Variants in GNL3L observed in about 807,000 individuals in gnomAD.
GNL3L encodes the protein G protein nucleolar 3 like, also known as guanine nucleotide-binding protein-like 3-like protein.
Under a neutral mutation model 42.9 loss-of-function variants are expected in GNL3L, and 4 were observed. The observed-to-expected ratio is 0.09, with a 90% confidence interval of 0.05 to 0.21. GNL3L has a LOEUF of 0.21. Ranked by LOEUF, GNL3L falls within the 10% of genes least tolerant of loss-of-function variation. The pLI is 1.00. For synonymous variants in GNL3L, 159 were observed against 176.3 expected (o/e 0.90, Z 0.78); for missense variants, 412 against 481.7 (o/e 0.86, Z 1.36).
chrX:54,603,309 A>G (rs1476311060), intron 16 of GNL3L, among the ~76,000 whole-genome samples: 2 of 112,021 alleles, frequency 1.8e-5, no homozygotes, highest in South Asian at 7.3e-4. Flanking sequence ...CTTCCTTGCT[A>G]CTATAAGGAC....
chrX:54,595,914 A>G (rs183656067), intron 16 of GNL3L, among the ~76,000 whole-genome samples: 3 of 112,346 alleles, frequency 2.7e-5, no homozygotes, highest in African/African-American at 9.7e-5. Context: ...AAATTTATCT[A>G]ATAGAATTCT....
At chrX:54,546,989 CTTTT>C (rs1171208828) in intron 8 of GNL3L, among the ~76,000 whole-genome samples, 1 of 100,913 alleles carries the variant, frequency 9.9e-6, no homozygotes, top group Non-Finnish European at 2.0e-5. Context: ...CCTTTTCTTT[CTTTT>C]TTTTTTCTTT....
intron 7 of GNL3L, chrX:54,543,975 C>G (rs1423003222): frequency 3.3e-6 from 1 of 304,585 alleles, no homozygotes; most frequent in Non-Finnish European, 5.7e-6. Context: ...ACATTTGGGA[C>G]CAGATAGCTA....
At chrX:54,543,533 G>A (rs774256973) in intron 7 of GNL3L, among the ~76,000 whole-genome samples, 191 bp downstream of exon 7, 14 of 112,144 alleles carry the variant, frequency 1.2e-4, no homozygotes, top group Admixed American at 1.2e-3. Context: ...ATCCAAGCCT[G>A]TCTGCCTTTC....
chrX:54,578,486 G>A (rs2147513031), intron 16 of GNL3L, among the ~76,000 whole-genome samples: 1 of 111,812 alleles, frequency 8.9e-6, no homozygotes, highest in African/African-American at 3.2e-5. Context: ...TCAAATCTTT[G>A]GCCATGTATA....
chrX:54,592,556 C>T (rs180801195), intron 16 of GNL3L, among the ~76,000 whole-genome samples: 62 of 111,757 alleles, frequency 5.5e-4, no homozygotes, highest in Non-Finnish European at 9.2e-4. Context: ...TGGCTCATGC[C>T]TGTAATCCTA....
chrX:54,598,956 C>A (rs1179011057), intron 16 of GNL3L, among the ~76,000 whole-genome samples: 2 of 111,890 alleles, frequency 1.8e-5, no homozygotes, highest in African/African-American at 6.5e-5. Flanking sequence ...TTTGAAGTAA[C>A]AATGGCTGAG....
intron 16 of GNL3L, among the ~76,000 whole-genome samples, chrX:54,584,277 C>T (rs180808471): frequency 3.0e-4 from 33 of 109,847 alleles, no homozygotes; most frequent in African/African-American, 9.6e-4. Context: ...AGTGATCCAC[C>T]CGCCTCGGCC....
intron 16 of GNL3L, among the ~76,000 whole-genome samples, chrX:54,574,328 A>T (rs1601999173): frequency 9.0e-6 from 1 of 111,080 alleles, no homozygotes; most frequent in South Asian, 3.8e-4. Flanking sequence ...TTGTTGAGAA[A>T]TTTTTTTATC....
At chrX:54,552,951 C>G (rs907608101) in intron 13 of GNL3L, among the ~76,000 whole-genome samples, 1 of 111,894 alleles carries the variant, frequency 8.9e-6, no homozygotes, top group Admixed American at 9.5e-5. Context: ...GCTGGGTGTC[C>G]AAAAGTATAG....
intron 16 of GNL3L, among the ~76,000 whole-genome samples, chrX:54,572,943 C>A (rs376180128): frequency 0.13 from 13,548 of 105,434 alleles, 1,398 homozygotes; most frequent in African/African-American, 0.34. Flanking sequence ...ACATCCCAGA[C>A]GATGGGCGGC....
At chrX:54,541,681 CA>C (rs1341396359) in intron 5 of GNL3L, among the ~76,000 whole-genome samples, 1 of 108,929 alleles carries the variant, frequency 9.2e-6, no homozygotes. Flanking sequence ...TACATGTGAC[CA>C]GGGGATGGGG....
chrX:54,536,658 G>A (rs988049663), intron 2 of GNL3L, among the ~76,000 whole-genome samples: 1 of 108,912 alleles, frequency 9.2e-6, no homozygotes, highest in Non-Finnish European at 1.9e-5. Context: ...AGTGGTGCAC[G>A]CCTGTAATCC....
intron 16 of GNL3L, among the ~76,000 whole-genome samples, chrX:54,582,876 C>T (rs1925735351): frequency 8.9e-6 from 1 of 112,426 alleles, no homozygotes; most frequent in African/African-American, 3.2e-5. Context: ...AGCCACTGCA[C>T]CTGGCCTCTA....
At chrX:54,604,460 A>G (rs1265206474) in intron 16 of GNL3L, among the ~76,000 whole-genome samples, 2 of 111,179 alleles carry the variant, frequency 1.8e-5, no homozygotes, top group African/African-American at 6.6e-5. Flanking sequence ...GGTCTCTTTG[A>G]GAGGTAATGT....
intron 16 of GNL3L, among the ~76,000 whole-genome samples, chrX:54,609,494 A>G (rs1255494619): frequency 8.9e-6 from 1 of 112,658 alleles, no homozygotes; most frequent in Non-Finnish European, 1.9e-5. Context: ...CTTAGGTTTA[A>G]GTCCTTAATT....
At chrX:54,600,673 TG>T (rs920016457) in intron 16 of GNL3L, among the ~76,000 whole-genome samples, 1 of 110,776 alleles carries the variant, frequency 9.0e-6, no homozygotes, top group African/African-American at 3.3e-5. Flanking sequence ...TTATTATTGC[TG>T]GGCAAGGAGG....
rs775798618 is a variant in GNL3L, at chrX:54,549,132, G to A, written c.775+759G>A. On this transcript the variant is annotated intron_variant, in intron 9 of 15. Coordinates refer to ENST00000360845, the MANE Select transcript of GNL3L (RefSeq NM_001184819.2). Reference sequence around the variant, plus strand: ...AGGCAGACATGTTTTCTCAAAGAATGAGAGAGAAAAACATACTACAGGGAT... The same window carrying A: ...AGGCAGACATGTTTTCTCAAAGAATAAGAGAGAAAAACATACTACAGGGAT... 9.8e-5 allele frequency among the ~76,000 whole-genome samples: 11 copies of A among 111,893 alleles called. No homozygotes were observed. The South Asian group carries it at 4.1e-3, about 42-fold the overall frequency.
At chrX:54,577,058 A>G (rs1026396560) in intron 16 of GNL3L, among the ~76,000 whole-genome samples, 2 of 111,728 alleles carry the variant, frequency 1.8e-5, no homozygotes, top group Non-Finnish European at 3.8e-5. Context: ...CTAGCTCCCC[A>G]TTCTCCTTTC....
Sources: gnomAD v4.1 joint callset for allele counts (sites outside exome capture counted in the v4.1 genomes callset) on GRCh38, gnomAD v4.1.1 for gene constraint, MANE v1.5 for transcripts, NCBI Gene and HGNC (gene_info 2026-07-23, HGNC 2026-07-21) for gene names.